DCSTAMP: variants seen among roughly 807,000 people sequenced by gnomAD.
The protein encoded by DCSTAMP is dendritic cell-specific transmembrane protein.
A neutral mutation model predicts 33.8 loss-of-function variants in DCSTAMP; 25 were observed. The observed-to-expected ratio is 0.74, with a 90% CI of 0.54 to 1.03. DCSTAMP has a LOEUF of 1.03. Ranked by LOEUF, DCSTAMP falls within the 50% of genes least tolerant of loss-of-function variation. The pLI, the probability that DCSTAMP is intolerant of heterozygous loss-of-function variation, is 0.00. For missense variants in DCSTAMP, 531 were observed against 556.8 expected (o/e 0.95, Z 0.47); for synonymous variants, 245 against 216.7 (o/e 1.13, Z -1.15).
At position 104,356,217 on chromosome 8, in the gene DCSTAMP, C is replaced by G; in HGVS notation, c.*19C>G. ...GTCATGAGAGACCCCGACTACTCCT[C>G]AGCCACATCGCACCAACAATTCTCT... On this transcript the variant is annotated 3_prime_UTR_variant, in exon 4 of 4. Coordinates refer to ENST00000297581, the MANE Select transcript of DCSTAMP (RefSeq NM_030788.4). 1 of 1,606,598 alleles carries G rather than the reference C, an allele frequency of 6.2e-7. No individual in the cohort carries two copies. The highest frequency in any genetic ancestry group is 8.5e-7 in the Non-Finnish European group (1 of 1,176,640).
chr8:104,344,195 G>A (rs1380081267), intron 1 of DCSTAMP, among the ~76,000 whole-genome samples: 1 of 151,752 alleles, frequency 6.6e-6, no homozygotes, highest in African/African-American at 2.4e-5. Context: ...AAAATAATCT[G>A]GACTTGTGCT....
intron 2 of DCSTAMP, among the ~76,000 whole-genome samples, chr8:104,353,845 A>G (rs1457374866): frequency 2.0e-5 from 3 of 152,238 alleles, no homozygotes; most frequent in South Asian, 2.1e-4. Flanking sequence ...TAAGCACCCC[A>G]GTCTATAAGG....
intron 1 of DCSTAMP, among the ~76,000 whole-genome samples, chr8:104,346,503 C>A (rs550320218): frequency 3.9e-5 from 6 of 152,350 alleles, no homozygotes; most frequent in African/African-American, 1.4e-4. Context: ...AGGAAGCAAG[C>A]TTTCAGGAAA....
At chr8:104,354,664 C>G (rs1181534818) in intron 2 of DCSTAMP, among the ~76,000 whole-genome samples, 1 of 152,114 alleles carries the variant, frequency 6.6e-6, no homozygotes, top group African/African-American at 2.4e-5. Flanking sequence ...TTCTACAAAC[C>G]CATTTCAGAA....
At chr8:104,347,852 T>A (rs1810353253) in intron 1 of DCSTAMP, among the ~76,000 whole-genome samples, 1 of 152,108 alleles carries the variant, frequency 6.6e-6, no homozygotes, top group Non-Finnish European at 1.5e-5. Context: ...ACCCTGCAAA[T>A]GTGTCTTGAG....
chr8:104,348,987 T>C lies in DCSTAMP; in HGVS notation c.435T>C (p.Ile145=). The change falls in exon 2 of 4, where the codon ATT becomes ATC. Residue 145 remains isoleucine, a synonymous_variant. Transcript: ENST00000297581. ...ATTTTCCACTTTTGAAAAAATATAT[T>C]GAGGCAATTCAGTGGATTTATGGCC... is the stretch of plus-strand genomic sequence containing the variant. ...SIHFPLLKKY[I]EAIQWIYGLA... 1.2e-6 allele frequency: 2 copies of C among 1,614,250 alleles called. No individual in the cohort carries two copies. The highest frequency in any genetic ancestry group is 1.7e-6 in the Non-Finnish European group (2 of 1,180,046).
chr8:104,351,319 T>A (rs1456919192), intron 2 of DCSTAMP, among the ~76,000 whole-genome samples: 2 of 152,148 alleles, frequency 1.3e-5, no homozygotes, highest in Non-Finnish European at 2.9e-5. Flanking sequence ...TGTATGGGTG[T>A]GTATGTGCAT....
chr8:104,345,798 C>T (rs1810299404), intron 1 of DCSTAMP, among the ~76,000 whole-genome samples: 1 of 152,212 alleles, frequency 6.6e-6, no homozygotes, highest in East Asian at 1.9e-4. Flanking sequence ...GCTGGGATTT[C>T]TGATTTCCTT....
intron 1 of DCSTAMP, among the ~76,000 whole-genome samples, chr8:104,342,837 G>A (rs1236891644): frequency 1.3e-5 from 2 of 152,218 alleles, no homozygotes; most frequent in Admixed American, 1.3e-4. Context: ...CGGGGTGCCC[G>A]AGTTTAAGGG....
chr8:104,347,757 A>T (rs530306598), intron 1 of DCSTAMP, among the ~76,000 whole-genome samples: 1 of 152,234 alleles, frequency 6.6e-6, no homozygotes, highest in South Asian at 2.1e-4. Context: ...AGCCTGGTAT[A>T]ATAGGCTCAA....
chr8:104,347,183 G>A (rs1227416637), intron 1 of DCSTAMP, among the ~76,000 whole-genome samples: 1 of 152,196 alleles, frequency 6.6e-6, no homozygotes, highest in Non-Finnish European at 1.5e-5. Flanking sequence ...CAGCTCCAGA[G>A]TGCCTTCATT....
At chr8:104,354,662 AC>A (rs1469512311) in intron 2 of DCSTAMP, among the ~76,000 whole-genome samples, 1 of 152,194 alleles carries the variant, frequency 6.6e-6, no homozygotes, top group East Asian at 1.9e-4. Flanking sequence ...ATTTCTACAA[AC>A]CCATTTCAGA....
intron 1 of DCSTAMP, among the ~76,000 whole-genome samples, chr8:104,343,443 G>A (rs2099383306): frequency 6.6e-6 from 1 of 152,160 alleles, no homozygotes; most frequent in Non-Finnish European, 1.5e-5. Context: ...TGTATTCTGT[G>A]GTGACTCAGG....
At chr8:104,346,597 A>G (rs534190884) in intron 1 of DCSTAMP, among the ~76,000 whole-genome samples, 6 of 152,206 alleles carry the variant, frequency 3.9e-5, no homozygotes, top group Non-Finnish European at 8.8e-5. Context: ...ACATCCTTAT[A>G]TGTGGGATCT....
intron 2 of DCSTAMP, among the ~76,000 whole-genome samples, chr8:104,354,572 T>A (rs1484119162): frequency 6.6e-6 from 1 of 152,252 alleles, no homozygotes; most frequent in Non-Finnish European, 1.5e-5. Context: ...AACAGTCTAA[T>A]GGGCATTGTG....
intron 2 of DCSTAMP, among the ~76,000 whole-genome samples, chr8:104,353,149 C>G (rs2140477432): frequency 1.3e-5 from 2 of 152,360 alleles, no homozygotes; most frequent in East Asian, 3.9e-4. Context: ...TGGGCACCTA[C>G]TATGTTCACT....
intron 2 of DCSTAMP, among the ~76,000 whole-genome samples, chr8:104,352,372 T>C (rs571173369): frequency 2.0e-5 from 3 of 152,300 alleles, no homozygotes; most frequent in South Asian, 4.1e-4. Context: ...ATAATGGAAG[T>C]AGTGTTTTAG....
chr8:104,341,243 G>A (rs1341382700), intron 1 of DCSTAMP, among the ~76,000 whole-genome samples: 1 of 152,228 alleles, frequency 6.6e-6, no homozygotes, highest in Admixed American at 6.5e-5. Context: ...AAAGCTCCTA[G>A]GGTGGGCCAT....
Position 104,356,104 on chromosome 8 carries a change from C to A in DCSTAMP, c.1339-20C>A, listed in dbSNP as rs1416961307. 4.4e-6 allele frequency: 7 copies of A among 1,603,716 alleles called. No individual in the cohort carries two copies. The highest frequency in any genetic ancestry group is 6.0e-6 in the Non-Finnish European group (7 of 1,175,940). The stretch of plus-strand genomic sequence containing the variant: ...GACTCCAACTCCAATGCCCATTTAT[C>A]CACTTTTCTGTCTCTTCAGATTCAT... On this transcript the variant is annotated intron_variant, in intron 3 of 3. Transcript: ENST00000297581.
Sources: gnomAD v4.1 joint callset for allele counts (sites outside exome capture counted in the v4.1 genomes callset) on GRCh38, gnomAD v4.1.1 for gene constraint, MANE v1.5 for transcripts, NCBI Gene and HGNC (gene_info 2026-07-23, HGNC 2026-07-21) for gene names.